Variants in NFIX observed in about 807,000 individuals in gnomAD.
NFIX encodes nuclear factor I X.
A neutral mutation model predicts 53.3 loss-of-function variants in NFIX; 2 were observed. That is an observed-to-expected ratio of 0.04 (90% CI 0.02 to 0.12). The LOEUF (loss-of-function observed/expected upper bound fraction) is 0.12. NFIX is among the 10% of genes least tolerant of loss of function. The probability of loss-of-function intolerance (pLI) is 1.00; values close to 1 mark genes in which losing one functional copy is unlikely to be tolerated. For missense variants in NFIX, 310 were observed against 674.5 expected (o/e 0.46, Z 5.99); for synonymous variants, 244 against 289.0 (o/e 0.84, Z 1.58).
rs528894460 is a variant in NFIX, at chr19:13,094,497, A to G, written c.1495-138A>G. On this transcript the variant is annotated intron_variant, in intron 10 of 10. Coordinates refer to ENST00000592199, the MANE Select transcript of NFIX (RefSeq NM_001365902.3). The surrounding 1 kb of genome is among the most constrained non-coding windows in gnomAD (Gnocchi z 4.3). ...GATGCCCTTTCTTCTCCATGGGAAC[A>G]AGGTGGGTGGTGGCTGCCCGGCACC... The G allele has an allele frequency of 6.6e-6, 5 of 759,138 alleles. No individual in the cohort carries two copies. Among genetic ancestry groups the G allele is most frequent in the East Asian group, 2.7e-5 (1 of 36,508 alleles). 47.0% of individuals were successfully genotyped at this position (759,138 alleles called of 1,614,324 possible).
Position 12,995,925 on chromosome 19 carries a change from G to A in NFIX, c.27+61G>A, listed in dbSNP as rs1338555510. ...GAGCGGGCGCGGGAGGCCGGCCGGCGGCGCGGGCGGAGGGGACGCGCGGCG... is the reference window on the plus strand; with the variant it reads ...GAGCGGGCGCGGGAGGCCGGCCGGCAGCGCGGGCGGAGGGGACGCGCGGCG... On this transcript the variant is annotated intron_variant, in intron 1 of 10. Transcript: ENST00000592199. 83 of 810,612 alleles carry A rather than the reference G, an allele frequency of 1.0e-4. 1 individual carries two copies. Among genetic ancestry groups the A allele is most frequent in the Non-Finnish European group, 1.1e-4 (75 of 674,078 alleles). 50.2% of individuals were successfully genotyped at this position (810,612 alleles called of 1,614,324 possible).
chr19:13,022,742 C>A lies in NFIX; in HGVS notation c.28-2279C>A, dbSNP rs902560703. 6.6e-6 allele frequency among the ~76,000 whole-genome samples: 1 copy of A among 152,036 alleles called. No individual in the cohort carries two copies. Among genetic ancestry groups the A allele is most frequent in the Admixed American group, 6.6e-5 (1 of 15,260 alleles). On this transcript the variant is annotated intron_variant, in intron 1 of 10. Transcript: ENST00000592199. This position sits in a 1 kb window ranked among gnomAD's most constrained non-coding sequence, Gnocchi z 4.5. ...GCCCGCCAGCCCGCCGGGAGTCAGG[C>A]CTTTATTTATTTATTTTTCAGGCTT...
At chr19:12,997,789 T>C (rs1344606350) in intron 1 of NFIX, among the ~76,000 whole-genome samples, 1 of 152,198 alleles carries the variant, frequency 6.6e-6, no homozygotes, top group African/African-American at 2.4e-5. Flanking sequence ...AGAAAATGCC[T>C]GTGGATACGC....
At chr19:13,058,228 AC>A (rs1646070781) in intron 2 of NFIX, among the ~76,000 whole-genome samples, 1 of 152,158 alleles carries the variant, frequency 6.6e-6, no homozygotes, top group South Asian at 2.1e-4. Flanking sequence ...TAAGCAGGAC[AC>A]CTTTCCAGGG....
intron 8 of NFIX, among the ~76,000 whole-genome samples, chr19:13,083,387 C>T (rs749367812): frequency 4.6e-5 from 7 of 152,132 alleles, no homozygotes; most frequent in Admixed American, 1.3e-4. Context: ...GCCTAGAGAC[C>T]GGCCAAGGTT....
chr19:13,096,353 C>CGGAGGGAGGGAAGA lies in NFIX; in HGVS notation c.*1713_*1726dup, dbSNP rs1568341859. ...TTGTGAGGCTGTGGCCCCGAGCTGGCGGAGGGAGGGAAGAGGAGGGAGTGA... is the reference window on the plus strand; with the variant it reads ...TTGTGAGGCTGTGGCCCCGAGCTGGCGGAGGGAGGGAAGAGGAGGGAGGGAAGAGGAGGGAGTGA... On this transcript the variant is annotated 3_prime_UTR_variant, in exon 11 of 11. Coordinates refer to ENST00000592199, the MANE Select transcript of NFIX (RefSeq NM_001365902.3). 1 of 152,090 alleles carries CGGAGGGAGGGAAGA rather than the reference C, an allele frequency of 6.6e-6. No homozygotes were observed. The highest frequency in any genetic ancestry group is 6.6e-5 in the Admixed American group (1 of 15,238). 9.4% of individuals were successfully genotyped at this position (152,090 alleles called of 1,614,324 possible). A position where few individuals can be genotyped will look rare whatever the true frequency, so the allele number is the denominator to read the frequency against.
rs147247371 is a variant in NFIX, at chr19:13,028,364, C to G, written c.559+2812C>G. Reference sequence around the variant, plus strand: ...ACAGGGCTGAAGAGCCAGATCTGGGCTGAGCTGGGGGTCCTGGGTTTCATG... The same window carrying G: ...ACAGGGCTGAAGAGCCAGATCTGGGGTGAGCTGGGGGTCCTGGGTTTCATG... On this transcript the variant is annotated intron_variant, in intron 2 of 10. Coordinates refer to ENST00000592199, the MANE Select transcript of NFIX (RefSeq NM_001365902.3). The surrounding 1 kb of genome is among the most constrained non-coding windows in gnomAD (Gnocchi z 4.2). Among the ~76,000 whole-genome samples, 1 of 152,184 alleles carries G rather than the reference C, an allele frequency of 6.6e-6. No homozygotes were observed. The highest frequency in any genetic ancestry group is 1.5e-5 in the Non-Finnish European group (1 of 68,034).
At chr19:13,058,963 G>A (rs1245761548) in intron 2 of NFIX, among the ~76,000 whole-genome samples, 2 of 152,130 alleles carry the variant, frequency 1.3e-5, no homozygotes, top group African/African-American at 2.4e-5. Context: ...ACTCTTCCCC[G>A]GAGCCACCGT....
intron 2 of NFIX, among the ~76,000 whole-genome samples, chr19:13,039,944 A>G (rs1010921996): frequency 6.6e-6 from 1 of 152,170 alleles, no homozygotes; most frequent in Admixed American, 6.5e-5. Context: ...TGATGAAGGA[A>G]GAGAGCCAAG....
At chr19:13,083,243 C>T (rs889106059) in intron 8 of NFIX, among the ~76,000 whole-genome samples, 4 of 152,176 alleles carry the variant, frequency 2.6e-5, no homozygotes, top group African/African-American at 4.8e-5. Context: ...GCAGAGTTCA[C>T]GGGGAGCTAC....
chr19:13,034,975 G>T (rs906385937), intron 2 of NFIX, among the ~76,000 whole-genome samples: 8 of 152,160 alleles, frequency 5.3e-5, no homozygotes, highest in African/African-American at 1.7e-4. Context: ...GACTGTCTTG[G>T]ACATTGTAGA....
Position 13,036,400 on chromosome 19 carries a change from G to T in NFIX, c.559+10848G>T, listed in dbSNP as rs2014191513. Reference sequence around the variant, plus strand: ...GCGTCCTCTCCAGGCCAGGGGTGGGGCTGTGGAAATGAGAAACCGGACGAG... The same window carrying T: ...GCGTCCTCTCCAGGCCAGGGGTGGGTCTGTGGAAATGAGAAACCGGACGAG... On this transcript the variant is annotated intron_variant, in intron 2 of 10. Transcript: ENST00000592199. The surrounding 1 kb of genome is among the most constrained non-coding windows in gnomAD (Gnocchi z 4.7). Among the ~76,000 whole-genome samples, 2 of 152,064 alleles carry T rather than the reference G, an allele frequency of 1.3e-5. No individual in the cohort carries two copies. The highest frequency in any genetic ancestry group is 2.4e-5 in the African/African-American group (1 of 41,404).
intron 7 of NFIX, among the ~76,000 whole-genome samples, chr19:13,080,543 G>T (rs1009998573): frequency 6.6e-6 from 1 of 151,350 alleles, no homozygotes; most frequent in African/African-American, 2.4e-5. Flanking sequence ...GTTTAAAATG[G>T]TTTAAAATGT....
intron 5 of NFIX, among the ~76,000 whole-genome samples, chr19:13,074,554 G>A (rs1453787088): frequency 2.0e-5 from 3 of 151,952 alleles, no homozygotes. Flanking sequence ...GTGTGTGTGG[G>A]CGGGACTGAT....
chr19:13,003,839 T>G (rs1279187532), intron 1 of NFIX, among the ~76,000 whole-genome samples: 1 of 152,132 alleles, frequency 6.6e-6, no homozygotes, highest in African/African-American at 2.4e-5. Context: ...AGAGTCTGGT[T>G]ATGTTGCCCA....
intron 1 of NFIX, among the ~76,000 whole-genome samples, chr19:13,019,203 T>C (rs564147007): frequency 6.6e-6 from 1 of 152,306 alleles, no homozygotes; most frequent in East Asian, 1.9e-4. Flanking sequence ...GATGTTTCAC[T>C]ATAGGTAGGT....
chr19:13,075,707 C>G (rs781219659), intron 6 of NFIX, 36 bp downstream of exon 6: 1 of 1,602,038 alleles, frequency 6.2e-7, no homozygotes, highest in Non-Finnish European at 8.5e-7. Context: ...AGAGCAAGGG[C>G]AGCCCAGAGT....
chr19:13,020,054 C>T (rs1287415432), intron 1 of NFIX, among the ~76,000 whole-genome samples: 7 of 151,914 alleles, frequency 4.6e-5, no homozygotes, highest in Non-Finnish European at 5.9e-5. Context: ...TGAACTCTTA[C>T]ACTTGCCAGT....
chr19:13,081,759 C>T lies in NFIX; in HGVS notation c.1158C>T (p.His386=). ...AGCAGTCGAGCCCGTATTTCACGCA[C>T]CCGACCATCCGCTACCACCACCACC... ...IIQQSSPYFT[H]PTIRYHHHHG... The change falls in exon 8 of 11, where the codon CAC becomes CAT. Residue 386 remains histidine (H), a synonymous_variant. Coordinates refer to ENST00000592199, the MANE Select transcript of NFIX (RefSeq NM_001365902.3). The surrounding 1 kb of genome is among the most constrained non-coding windows in gnomAD (Gnocchi z 4.7). 6.2e-7 allele frequency: 1 copy of T among 1,614,002 alleles called. No homozygotes were observed. The highest frequency in any genetic ancestry group is 8.5e-7 in the Non-Finnish European group (1 of 1,179,894).
Sources: gnomAD v4.1 joint callset for allele counts (sites outside exome capture counted in the v4.1 genomes callset) on GRCh38, gnomAD v4.1.1 for gene constraint, Gnocchi (gnomAD v3.1) non-coding constraint, MANE v1.5 for transcripts, NCBI Gene and HGNC (gene_info 2026-07-23, HGNC 2026-07-21) for gene names.